SLC26A8: variants seen among roughly 807,000 people sequenced by gnomAD.
The protein encoded by SLC26A8 is solute carrier family 26 member 8.
SLC26A8 carries 70 observed loss-of-function variants against 105.0 expected under a neutral mutation model. The observed-to-expected ratio is 0.67, with a 90% CI of 0.55 to 0.81. The LOEUF (loss-of-function observed/expected upper bound fraction) is 0.81. Among genes scored for constraint, SLC26A8 ranks in the 40% least tolerant of loss-of-function variants. SLC26A8 has a pLI of 0.00. For missense variants in SLC26A8, 998 were observed against 1,181.8 expected, an observed-to-expected ratio of 0.84 and a Z score of 2.28; for synonymous variants, 415 against 438.3, an observed-to-expected ratio of 0.95 and a Z score of 0.66.
rs79731062 is a variant in SLC26A8, at chr6:35,984,885, T to G, written c.943-2682A>C. ...TGAAGCAGGGGTCAGACATACGTCATTATATCCCTCCACCCTTTTGGAATT... is the reference window on the plus strand; with the variant it reads ...TGAAGCAGGGGTCAGACATACGTCAGTATATCCCTCCACCCTTTTGGAATT... On this transcript the variant is annotated intron_variant, in intron 7 of 19. Coordinates refer to ENST00000490799, the MANE Select transcript of SLC26A8 (RefSeq NM_052961.4). 7.3e-3 allele frequency among the ~76,000 whole-genome samples: 1,108 copies of G among 152,286 alleles called. 19 individuals carry two copies. The highest frequency in any genetic ancestry group is 0.025 in the African/African-American group (1,046 of 41,530).
chr6:35,949,828 T>TTA (rs1771799066), intron 19 of SLC26A8, among the ~76,000 whole-genome samples: 1 of 151,792 alleles, frequency 6.6e-6, no homozygotes, highest in Non-Finnish European at 1.5e-5. Flanking sequence ...TTTTTTTTTT[T>TTA]AGAGTCTCAC....
chr6:36,001,058 T>A (rs897174769), intron 3 of SLC26A8, among the ~76,000 whole-genome samples: 4 of 152,242 alleles, frequency 2.6e-5, no homozygotes, highest in African/African-American at 4.8e-5. Context: ...TGTTCAAATT[T>A]CCCTGATTAT....
At position 35,943,946 on chromosome 6, in the gene SLC26A8, G is replaced by A; in HGVS notation, c.2867C>T (p.Pro956Leu). 6.2e-7 allele frequency: 1 copy of A among 1,614,176 alleles called. No homozygotes were observed. The highest frequency in any genetic ancestry group is 8.5e-7 in the Non-Finnish European group (1 of 1,180,028). ...RTWSVERRRH[P>L]MDSYSPEGNS... ...GCCCTCTGGTGAGTATGAATCCATA[G>A]GATGGCGTCTCCTCTCCACTGACCA... The change falls in exon 20 of 20, where the codon CCT (proline) becomes CTT (leucine). Residue 956 changes from proline to leucine, a missense_variant. Pro to Leu is a moderately conservative substitution (Grantham distance 98). Transcript: ENST00000490799.
intron 11 of SLC26A8, among the ~76,000 whole-genome samples, chr6:35,963,853 A>G (rs1772404144): frequency 6.6e-6 from 1 of 152,208 alleles, no homozygotes; most frequent in East Asian, 1.9e-4. Context: ...GTTGAATCAT[A>G]ATATACTGTA....
chr6:36,004,611 G>A (rs1353046963), intron 3 of SLC26A8, among the ~76,000 whole-genome samples: 2 of 151,478 alleles, frequency 1.3e-5, no homozygotes, highest in East Asian at 1.9e-4. Context: ...AATATACTGT[G>A]TATGCACTCC....
In SLC26A8 at chr6:35,969,079, G is replaced by A. The variant is rs559993051; in HGVS notation, c.1288-125C>T. ...TTAAAAGGAGTTGAGTTCAGTCCAAGTGTATTTTTGTTGAACTGACATTTT... is the reference window on the plus strand; with the variant it reads ...TTAAAAGGAGTTGAGTTCAGTCCAAATGTATTTTTGTTGAACTGACATTTT... On this transcript the variant is annotated intron_variant, in intron 10 of 19. Coordinates refer to ENST00000490799, the MANE Select transcript of SLC26A8 (RefSeq NM_052961.4). The A allele has an allele frequency of 2.0e-4, 149 of 742,568 alleles. 2 individuals are homozygous for A. In the African/African-American group the frequency reaches 2.3e-3, roughly 11 times the overall value. 46.0% of individuals were successfully genotyped at this position (742,568 alleles called of 1,614,324 possible). A position where few individuals can be genotyped will look rare whatever the true frequency, so the allele number is the denominator to read the frequency against.
At chr6:35,995,960 T>A (rs1260543990) in intron 5 of SLC26A8, among the ~76,000 whole-genome samples, 1 of 152,220 alleles carries the variant, frequency 6.6e-6, no homozygotes, top group Admixed American at 6.5e-5. Flanking sequence ...TATTGTTTTT[T>A]AAATTTTTGG....
At chr6:35,982,282 C>G (rs1459647653) in intron 7 of SLC26A8, 79 bp from the exon 8 acceptor site, 4 of 1,404,566 alleles carry the variant, frequency 2.8e-6, no homozygotes, top group Non-Finnish European at 4.0e-6. Context: ...GCAGAGTTGC[C>G]CATTGCCTCT....
chr6:35,994,315 C>T (rs1390670504), intron 5 of SLC26A8, among the ~76,000 whole-genome samples: 5 of 151,642 alleles, frequency 3.3e-5, no homozygotes, highest in South Asian at 2.1e-4. Context: ...AGGGTTTCAC[C>T]GTGTTAGCCA....
At chr6:35,962,666 T>G (rs1327522472) in intron 11 of SLC26A8, 45 bp from the exon 12 acceptor site, 4 of 1,579,954 alleles carry the variant, frequency 2.5e-6, no homozygotes, top group Non-Finnish European at 3.5e-6. Context: ...CTTTGGGGTG[T>G]AAAACTCACA....
At chr6:36,015,747 G>A (rs1761978243) in intron 2 of SLC26A8, among the ~76,000 whole-genome samples, 1 of 152,078 alleles carries the variant, frequency 6.6e-6, no homozygotes, top group Non-Finnish European at 1.5e-5. Context: ...GGACTGGGGG[G>A]GATATCCAAG....
intron 7 of SLC26A8, among the ~76,000 whole-genome samples, chr6:35,991,323 G>A (rs1471312626): frequency 6.7e-6 from 1 of 149,044 alleles, no homozygotes; most frequent in Non-Finnish European, 1.5e-5. Context: ...AGAATTGCTT[G>A]AACCTGGGAG....
chr6:35,992,606 G>T lies in SLC26A8; in HGVS notation c.696C>A (p.Tyr232Ter). 6.2e-7 allele frequency: 1 copy of T among 1,614,136 alleles called. No homozygotes were observed. The highest frequency in any genetic ancestry group is 8.5e-7 in the Non-Finnish European group (1 of 1,180,018). The stretch of plus-strand genomic sequence containing the variant: ...TGATATGAAGTGCCACAGCAGCCAG[G>T]TAAGCACTCATTGCAGACTCCGGAA... ...TYLPESAMSA[Y>*]LAAVALHIML... Residue 232 changes from tyrosine (Y) to a stop codon, truncating the protein, a stop_gained, in exon 6 of 20, where the codon TAC becomes TAA. Transcript: ENST00000490799. LOFTEE classifies it high-confidence loss of function.
chr6:36,016,167 T>G (rs1259998523), intron 2 of SLC26A8, among the ~76,000 whole-genome samples: 1 of 151,980 alleles, frequency 6.6e-6, no homozygotes, highest in Non-Finnish European at 1.5e-5. Context: ...CTAATTTTTG[T>G]ATTTTTAGTG....
At chr6:35,992,423 G>T (rs1379258943) in intron 6 of SLC26A8, 87 bp downstream of exon 6, 67 of 1,369,508 alleles carry the variant, frequency 4.9e-5, no homozygotes, top group Non-Finnish European at 6.3e-5. Flanking sequence ...TTCAGAAGGG[G>T]CGGGAGTCTC....
intron 3 of SLC26A8, among the ~76,000 whole-genome samples, chr6:36,000,464 G>C (rs1761488809): frequency 6.6e-6 from 1 of 152,154 alleles, no homozygotes; most frequent in South Asian, 2.1e-4. Context: ...GCACAAGCAG[G>C]CCGTGGGAAT....
At chr6:35,965,064 A>T (rs939897319) in intron 11 of SLC26A8, among the ~76,000 whole-genome samples, 1 of 152,172 alleles carries the variant, frequency 6.6e-6, no homozygotes, top group Non-Finnish European at 1.5e-5. Context: ...GTCAAATGTT[A>T]TAGAATGAAG....
intron 1 of SLC26A8, among the ~76,000 whole-genome samples, chr6:36,020,624 G>GA (rs967847513): frequency 2.8e-4 from 42 of 150,432 alleles, no homozygotes; most frequent in Non-Finnish European, 3.9e-4. Flanking sequence ...GTCTCTAAAA[G>GA]AAAAAAAAAT....
At chr6:35,960,196 T>A (rs1343097558) in intron 14 of SLC26A8, 1 of 161,796 alleles carries the variant, frequency 6.2e-6, no homozygotes, top group African/African-American at 2.4e-5. Context: ...GTATTCTTCT[T>A]TATTAGAGAC....
Sources: gnomAD v4.1 joint callset for allele counts (sites outside exome capture counted in the v4.1 genomes callset) on GRCh38, gnomAD v4.1.1 for gene constraint, MANE v1.5 for transcripts, NCBI Gene and HGNC (gene_info 2026-07-23, HGNC 2026-07-21) for gene names.